Variants in CRTAP observed in about 807,000 individuals in gnomAD.
CRTAP encodes cartilage associated protein.
CRTAP carries 33 observed loss-of-function variants against 42.7 expected under a neutral mutation model. The observed-to-expected ratio is 0.77, with a 90% CI of 0.59 to 1.03. The LOEUF (loss-of-function observed/expected upper bound fraction) is 1.03, where lower values mean the gene tolerates loss of function less well. Among genes scored for constraint, CRTAP ranks in the 50% least tolerant of loss-of-function variants. The pLI, the probability that CRTAP is intolerant of heterozygous loss-of-function variation, is 0.00. For synonymous variants in CRTAP, 243 were observed against 217.7 expected (o/e 1.12, Z -1.02); for missense variants, 613 against 533.9 (o/e 1.15, Z -1.46).
At chr3:33,119,365 TACCACTGAGATTG>T (rs1701385909) in intron 1 of CRTAP, among the ~76,000 whole-genome samples, 1 of 152,156 alleles carries the variant, frequency 6.6e-6, no homozygotes, top group Non-Finnish European at 1.5e-5. Flanking sequence ...GAGATAGACG[TACCACTGAGATTG>T]TAGGGTGGCG....
rs1273778869 is a variant in CRTAP at position 33,145,078 on chromosome 3, T to C, written c.*2630T>C. 5 of 152,250 alleles carry C rather than the reference T, an allele frequency of 3.3e-5. No homozygotes were observed. The East Asian group carries it at 9.6e-4, about 29-fold the overall frequency. 9.4% of individuals were successfully genotyped at this position (152,250 alleles called of 1,614,324 possible). ...TAATTGGGGTGGAACACTCACACGT[T>C]GTGCTTTTTCTGGGCTTCCCTTATC... On this transcript the variant is annotated 3_prime_UTR_variant, in exon 7 of 7. Coordinates refer to ENST00000320954, the MANE Select transcript of CRTAP (RefSeq NM_006371.5). The surrounding 1 kb of genome is among the most constrained non-coding windows in gnomAD (Gnocchi z 4.3).
rs1052759082 is a variant in CRTAP at position 33,146,303 on chromosome 3, T to C, written c.*3855T>C. On this transcript the variant is annotated 3_prime_UTR_variant, in exon 7 of 7. Transcript: ENST00000320954. ...CATCAGCATGGAGCTCAGTGGTTGCTGTTTGGTTCTGCAGGCTGGTGGGGA... is the reference window on the plus strand; with the variant it reads ...CATCAGCATGGAGCTCAGTGGTTGCCGTTTGGTTCTGCAGGCTGGTGGGGA... The C allele has an allele frequency of 2.0e-5, 3 of 152,310 alleles. No homozygotes were observed. The highest frequency in any genetic ancestry group is 7.2e-5 in the African/African-American group (3 of 41,438). 9.4% of individuals were successfully genotyped at this position (152,310 alleles called of 1,614,324 possible).
intron 2 of CRTAP, among the ~76,000 whole-genome samples, chr3:33,122,310 A>G (rs547958666): frequency 1.0e-3 from 159 of 151,978 alleles, no homozygotes; most frequent in African/African-American, 3.8e-3. Flanking sequence ...CTGCAGAACC[A>G]GCTGTCTGGA....
intron 5 of CRTAP, 145 bp downstream of exon 5, chr3:33,132,845 C>T (rs1327772278): frequency 1.1e-5 from 10 of 918,828 alleles, no homozygotes; most frequent in East Asian, 8.7e-5. Flanking sequence ...TTTGGGAGGC[C>T]GAGGCGGGCG....
chr3:33,127,250 T>C (rs2030100288), intron 3 of CRTAP, among the ~76,000 whole-genome samples: 1 of 151,834 alleles, frequency 6.6e-6, no homozygotes, highest in Non-Finnish European at 1.5e-5. Flanking sequence ...AGTATAGATA[T>C]ATAGATATTT....
intron 3 of CRTAP, among the ~76,000 whole-genome samples, chr3:33,126,128 C>T (rs1303047238): frequency 6.6e-6 from 1 of 152,160 alleles, no homozygotes; most frequent in Non-Finnish European, 1.5e-5. Flanking sequence ...TCCCCATATC[C>T]CCTTCCCCCC....
chr3:33,133,087 G>A (rs2030317639), intron 5 of CRTAP, among the ~76,000 whole-genome samples: 1 of 152,148 alleles, frequency 6.6e-6, no homozygotes, highest in East Asian at 1.9e-4. Flanking sequence ...TTTTGTGCAT[G>A]TGTGTGTTTT....
chr3:33,120,562 AGCT>A, intron 2 of CRTAP, 69 bp downstream of exon 2: 1 of 1,551,446 alleles, frequency 6.4e-7, no homozygotes, highest in South Asian at 1.2e-5. Context: ...CTCCATAAGC[AGCT>A]GCTGATAGCT....
intron 6 of CRTAP, among the ~76,000 whole-genome samples, chr3:33,140,619 G>C (rs1006865406): frequency 1.3e-5 from 2 of 152,158 alleles, no homozygotes; most frequent in African/African-American, 4.8e-5. Flanking sequence ...AAGCACTCCT[G>C]AAAGTTTACG....
chr3:33,125,684 G>A (rs559796008), intron 3 of CRTAP, among the ~76,000 whole-genome samples: 49 of 151,550 alleles, frequency 3.2e-4, no homozygotes, highest in African/African-American at 1.0e-3. Context: ...ATTTTGAAGC[G>A]GATTCCAAAT....
At chr3:33,117,114 A>T (rs1701350804) in intron 1 of CRTAP, among the ~76,000 whole-genome samples, 1 of 152,138 alleles carries the variant, frequency 6.6e-6, no homozygotes, top group African/African-American at 2.4e-5. Context: ...TGTCAAAAAA[A>T]AGTGATGTTT....
intron 1 of CRTAP, among the ~76,000 whole-genome samples, chr3:33,116,993 G>T: frequency 6.6e-6 from 1 of 152,104 alleles, no homozygotes; most frequent in East Asian, 1.9e-4. Context: ...TCTAGTTTCA[G>T]CTACTCAGGA....
intron 5 of CRTAP, among the ~76,000 whole-genome samples, chr3:33,133,261 CTT>C (rs11316535): frequency 9.9e-4 from 133 of 134,422 alleles, no homozygotes; most frequent in East Asian, 1.8e-3. Context: ...TTCTCTCTCT[CTT>C]TTTTTTTTTT....
intron 3 of CRTAP, among the ~76,000 whole-genome samples, chr3:33,129,535 C>CTTTTTTTTTTTTTT (rs753545426): frequency 8.6e-6 from 1 of 115,732 alleles, no homozygotes; most frequent in African/African-American, 3.1e-5. Context: ...TTTTCTTTTT[C>CTTTTTTTTTTTTTT]TTTTTTTTTT....
intron 2 of CRTAP, among the ~76,000 whole-genome samples, chr3:33,121,081 G>A (rs1201649445): frequency 6.6e-6 from 1 of 152,136 alleles, no homozygotes; most frequent in African/African-American, 2.4e-5. Flanking sequence ...GGCACTGGGG[G>A]CCTGGGTTTC....
Position 33,142,559 on chromosome 3 carries a change from A to C in CRTAP, c.*111A>C. 1.9e-6 allele frequency: 2 copies of C among 1,047,548 alleles called. No individual in the cohort carries two copies. Among genetic ancestry groups the C allele is most frequent in the South Asian group, 1.3e-5 (1 of 76,372 alleles). 64.9% of individuals were successfully genotyped at this position (1,047,548 alleles called of 1,614,324 possible). On this transcript the variant is annotated 3_prime_UTR_variant, in exon 7 of 7. Transcript: ENST00000320954. Reference sequence around the variant, plus strand: ...CTCAGAGCCTTCTCTTTACTCTCCAAAGTGAAAGGGAAGCCCCCGTCTCTC... The same window carrying C: ...CTCAGAGCCTTCTCTTTACTCTCCACAGTGAAAGGGAAGCCCCCGTCTCTC...
At chr3:33,119,116 T>A (rs1349210957) in intron 1 of CRTAP, among the ~76,000 whole-genome samples, 1 of 152,222 alleles carries the variant, frequency 6.6e-6, no homozygotes, top group Non-Finnish European at 1.5e-5. Flanking sequence ...ACCAGATATC[T>A]ACCTCCCCTG....
chr3:33,139,021 G>A (rs1351693447), intron 6 of CRTAP, among the ~76,000 whole-genome samples: 1 of 152,106 alleles, frequency 6.6e-6, no homozygotes, highest in African/African-American at 2.4e-5. Flanking sequence ...GCACATGCCT[G>A]TAATCCCAGC....
At position 33,129,824 on chromosome 3, in the gene CRTAP, A is replaced by C. The variant is rs2030196208; in HGVS notation, c.794-115A>C. The C allele has an allele frequency of 3.9e-6, 4 of 1,030,502 alleles. No homozygotes were observed. The African/African-American group carries it at 4.8e-5, about 12-fold the overall frequency. 63.8% of individuals were successfully genotyped at this position (1,030,502 alleles called of 1,614,324 possible). ...AGTGCTGGGATTACAGGCGTGAGCCACCGCGCCCGGCCTGTAAATATTTTT... is the reference window on the plus strand; with the variant it reads ...AGTGCTGGGATTACAGGCGTGAGCCCCCGCGCCCGGCCTGTAAATATTTTT... On this transcript the variant is annotated intron_variant, in intron 3 of 6. Transcript: ENST00000320954.
Sources: gnomAD v4.1 joint callset for allele counts (sites outside exome capture counted in the v4.1 genomes callset) on GRCh38, gnomAD v4.1.1 for gene constraint, Gnocchi (gnomAD v3.1) non-coding constraint, MANE v1.5 for transcripts, NCBI Gene and HGNC (gene_info 2026-07-23, HGNC 2026-07-21) for gene names.